DENND4A: variants seen among roughly 807,000 people sequenced by gnomAD.
DENND4A encodes the protein DENN domain containing 4A, also known as C-myc promoter-binding protein.
Under a neutral mutation model 199.3 loss-of-function variants are expected in DENND4A, and 70 were observed. The ratio of observed to expected loss-of-function variants is 0.35; its 90% CI spans 0.29 to 0.43. The LOEUF is 0.43. Ranked by LOEUF, DENND4A falls within the 20% of genes least tolerant of loss-of-function variation. DENND4A has a pLI of 1.00. For missense variants in DENND4A, 1,723 were observed against 2,255.8 expected, an observed-to-expected ratio of 0.76 and a Z score of 4.78; for synonymous variants, 686 against 766.9, an observed-to-expected ratio of 0.89 and a Z score of 1.74.
intron 1 of DENND4A, among the ~76,000 whole-genome samples, chr15:65,782,381 G>T (rs1299816972): frequency 6.6e-6 from 1 of 152,058 alleles, no homozygotes. Context: ...AGTACTCTAA[G>T]GACCCTCTTT....
chr15:65,753,828 T>A (rs1409664415), intron 3 of DENND4A: 2 of 151,418 alleles, frequency 1.3e-5, no homozygotes, highest in African/African-American at 4.8e-5. Flanking sequence ...ATTATTTCTT[T>A]CTTTCTTTTT....
intron 2 of DENND4A, among the ~76,000 whole-genome samples, chr15:65,758,196 G>T (rs2076762346): frequency 6.6e-6 from 1 of 152,106 alleles, no homozygotes; most frequent in South Asian, 2.1e-4. Context: ...ATAAAAGTAG[G>T]TAAGAGAGTG....
Position 65,701,111 on chromosome 15 carries a change from C to T in DENND4A, c.2641G>A (p.Val881Ile), listed in dbSNP as rs1301481902. The change falls in exon 19 of 33, where the codon GTA (valine) becomes ATA (isoleucine). Residue 881 changes from valine (V) to isoleucine (I), a missense_variant. By Grantham distance (29) the Val-to-Ile change is conservative (BLOSUM62 3). Transcript: ENST00000443035. The part of the protein sequence containing the change: ...WTKVRNVVLG[V>I]TQFKRALKKH... ...TTTAAAGCTCTTTTGAACTGTGTTA[C>T]TCCTAAAACAACATTTCTTACTTTT... The T allele has an allele frequency of 6.2e-7, 1 of 1,610,472 alleles. No homozygotes were observed. Among genetic ancestry groups the T allele is most frequent in the African/African-American group, 1.3e-5 (1 of 74,808 alleles).
chr15:65,668,734 T>C (rs555165237), intron 27 of DENND4A, among the ~76,000 whole-genome samples: 4 of 152,054 alleles, frequency 2.6e-5, no homozygotes, highest in South Asian at 4.2e-4. Context: ...GGCAGGAGCA[T>C]TGTTTGAACC....
intron 1 of DENND4A, among the ~76,000 whole-genome samples, chr15:65,789,251 A>G (rs2077651026): frequency 6.6e-6 from 1 of 152,158 alleles, no homozygotes; most frequent in Admixed American, 6.5e-5. Flanking sequence ...CAGTGGCACA[A>G]TCATAACTCA....
intron 25 of DENND4A, among the ~76,000 whole-genome samples, chr15:65,670,886 A>G (rs1480504628): frequency 6.6e-6 from 1 of 152,214 alleles, no homozygotes; most frequent in Non-Finnish European, 1.5e-5. Context: ...TTCCAGATTT[A>G]TGCAAATTAA....
chr15:65,739,204 G>A (rs2076186428), intron 5 of DENND4A, among the ~76,000 whole-genome samples: 1 of 152,248 alleles, frequency 6.6e-6, no homozygotes, highest in East Asian at 1.9e-4. Flanking sequence ...AGAATACTAA[G>A]TTTTTGAAAT....
At chr15:65,766,007 T>A (rs576455405) in intron 1 of DENND4A, among the ~76,000 whole-genome samples, 5 of 152,238 alleles carry the variant, frequency 3.3e-5, no homozygotes, top group Admixed American at 2.6e-4. Context: ...TCCCAACACT[T>A]TGGGAGGCCA....
intron 12 of DENND4A, among the ~76,000 whole-genome samples, chr15:65,721,693 C>T (rs1208683617): frequency 6.6e-6 from 1 of 151,896 alleles, no homozygotes; most frequent in Admixed American, 6.6e-5. Context: ...TCTTAACTCC[C>T]AGGCTCAAGT....
rs2075849404 is a variant in DENND4A, at chr15:65,661,774, ATATT to A, written c.*73_*76del. 2 of 1,270,450 alleles carry A rather than the reference ATATT, an allele frequency of 1.6e-6. No homozygotes were observed. The highest frequency in any genetic ancestry group is 2.9e-5 in the Admixed American group (1 of 34,930). The allele number at this position is 1,270,450 out of a possible 1,614,324, so 78.7% of individuals were successfully genotyped here. ...TGTATTTTCAAAAATTGAAGAAAAA[ATATT>A]TAGAGTCTAAAAGTGTTATTTTATA... On this transcript the variant is annotated 3_prime_UTR_variant, in exon 33 of 33. Transcript: ENST00000443035.
chr15:65,662,014 G>T, intron 32 of DENND4A, 27 bp from the exon 33 acceptor site: 3 of 1,581,512 alleles, frequency 1.9e-6, no homozygotes, highest in African/African-American at 1.4e-5. Flanking sequence ...AGAAATAAAA[G>T]AATAAAGAAA....
At chr15:65,683,268 T>C (rs1334613676) in intron 23 of DENND4A, among the ~76,000 whole-genome samples, 3 of 152,202 alleles carry the variant, frequency 2.0e-5, no homozygotes, top group Non-Finnish European at 2.9e-5. Flanking sequence ...ATATTAGTGA[T>C]TGTGTTCTCT....
rs368132872 is a variant in DENND4A at position 65,676,526 on chromosome 15, A to T, written c.4288T>A (p.Ser1430Thr). The T allele has an allele frequency of 2.3e-4, 371 of 1,613,798 alleles. 1 individual carries two copies. Among genetic ancestry groups the T allele is most frequent in the Admixed American group, 6.8e-4 (41 of 60,012 alleles). Residue 1430 changes from serine to threonine, a missense_variant, in exon 24 of 33, where the codon TCT becomes ACT. Ser to Thr is a moderately conservative substitution (Grantham distance 58, BLOSUM62 1). Coordinates refer to ENST00000443035, the MANE Select transcript of DENND4A (RefSeq NM_001320835.1). The part of the protein sequence containing the change: ...VCHELEGPIS[S>T]QETSATSGTK... ...CCTGAAGTAGCACTGGTCTCTTGAG[A>T]GGAGATAGGTCCTTCCAACTCATGG...
intron 22 of DENND4A, among the ~76,000 whole-genome samples, chr15:65,692,304 CCACTT>C (rs984503447): frequency 4.9e-4 from 74 of 152,192 alleles, no homozygotes; most frequent in African/African-American, 1.7e-3. Context: ...ATGTTAATGG[CCACTT>C]CACATTATTT....
At chr15:65,746,404 T>TGTTTTTTTTTTTTTTTGTG in intron 4 of DENND4A, among the ~76,000 whole-genome samples, 1 of 110,852 alleles carries the variant, frequency 9.0e-6, no homozygotes, top group Admixed American at 9.7e-5. Context: ...TTTTTTTTTT[T>TGTTTTTTTTTTTTTTTGTG]GAGACGGAGT....
At chr15:65,703,832 A>G (rs1337265612) in intron 15 of DENND4A, among the ~76,000 whole-genome samples, 1 of 152,212 alleles carries the variant, frequency 6.6e-6, no homozygotes, top group Non-Finnish European at 1.5e-5. Flanking sequence ...AACATAGTGA[A>G]ACTTCATTAA....
chr15:65,695,615 T>C (rs1443369889), intron 22 of DENND4A, among the ~76,000 whole-genome samples: 2 of 152,164 alleles, frequency 1.3e-5, no homozygotes, highest in Admixed American at 6.6e-5. Flanking sequence ...TGACAGCACA[T>C]GTTCTTCAAT....
intron 12 of DENND4A, among the ~76,000 whole-genome samples, chr15:65,720,342 G>C (rs992514893): frequency 6.6e-5 from 10 of 151,902 alleles, no homozygotes. Flanking sequence ...AGAGTTTTTG[G>C]AGGAGTTCTT....
intron 14 of DENND4A, among the ~76,000 whole-genome samples, chr15:65,708,057 T>C (rs1404475124): frequency 6.6e-6 from 1 of 152,154 alleles, no homozygotes; most frequent in African/African-American, 2.4e-5. Context: ...AATGCCATGA[T>C]GCAATCACAG....
Sources: gnomAD v4.1 joint callset for allele counts (sites outside exome capture counted in the v4.1 genomes callset) on GRCh38, gnomAD v4.1.1 for gene constraint, MANE v1.5 for transcripts, NCBI Gene and HGNC (gene_info 2026-07-23, HGNC 2026-07-21) for gene names.